Variants in SDK1 observed in about 807,000 individuals in gnomAD.
SDK1 encodes protein sidekick-1.
A neutral mutation model predicts 245.5 loss-of-function variants in SDK1; 157 were observed. That is an observed-to-expected ratio of 0.64 (90% CI 0.56 to 0.73). SDK1 has a LOEUF of 0.73. Ranked by LOEUF, SDK1 falls within the 30% of genes least tolerant of loss-of-function variation. SDK1 has a pLI of 0.00. For missense variants in SDK1, 3,583 were observed against 3,002.3 expected, an observed-to-expected ratio of 1.19 and a Z score of -4.52; for synonymous variants, 1,647 against 1,278.5, an observed-to-expected ratio of 1.29 and a Z score of -6.15.
intron 1 of SDK1, among the ~76,000 whole-genome samples, chr7:3,309,493 T>C (rs1033916197): frequency 6.7e-6 from 1 of 148,590 alleles, no homozygotes; most frequent in Non-Finnish European, 1.5e-5. Flanking sequence ...AACCAGGTAA[T>C]AGAATAGTGG....
At chr7:3,473,647 C>G (rs1249667614) in intron 1 of SDK1, among the ~76,000 whole-genome samples, 1 of 151,820 alleles carries the variant, frequency 6.6e-6, no homozygotes, top group Non-Finnish European at 1.5e-5. Context: ...CTTTTATTTC[C>G]TGGGTCCAGG....
chr7:3,684,190 C>T (rs548436023), intron 4 of SDK1, among the ~76,000 whole-genome samples: 1 of 152,350 alleles, frequency 6.6e-6, no homozygotes, highest in East Asian at 1.9e-4. Context: ...AGCTAAGCCT[C>T]TACCCCAACT....
chr7:3,785,254 A>T (rs980959477), intron 4 of SDK1, among the ~76,000 whole-genome samples: 30 of 150,628 alleles, frequency 2.0e-4, no homozygotes, highest in African/African-American at 6.8e-4. Context: ...GGCAAGAGGA[A>T]TTTTTTTTTT....
At chr7:3,539,643 G>A (rs1384698529) in intron 1 of SDK1, among the ~76,000 whole-genome samples, 1 of 152,210 alleles carries the variant, frequency 6.6e-6, no homozygotes, top group Non-Finnish European at 1.5e-5. Context: ...AATTCGTGAT[G>A]TGTAATAGGT....
At chr7:4,000,540 C>G (rs1162795673) in intron 14 of SDK1, among the ~76,000 whole-genome samples, 1 of 152,102 alleles carries the variant, frequency 6.6e-6, no homozygotes. Context: ...CCACAGGTGC[C>G]TTTTCATGTA....
intron 1 of SDK1, among the ~76,000 whole-genome samples, chr7:3,370,501 G>GTAA (rs1453844565): frequency 6.6e-6 from 1 of 152,216 alleles, no homozygotes; most frequent in African/African-American, 2.4e-5. Flanking sequence ...GGAAGATGAT[G>GTAA]TAATCACTTA....
At chr7:3,414,207 T>A (rs1779295475) in intron 1 of SDK1, among the ~76,000 whole-genome samples, 1 of 152,016 alleles carries the variant, frequency 6.6e-6, no homozygotes, top group South Asian at 2.1e-4. Flanking sequence ...AAGCTAGGCA[T>A]AGAGGCAGGA....
intron 35 of SDK1, among the ~76,000 whole-genome samples, chr7:4,199,482 G>A (rs1461300645): frequency 2.0e-5 from 3 of 152,208 alleles, no homozygotes; most frequent in Admixed American, 2.0e-4. Flanking sequence ...TTGTCTAGCA[G>A]TATTGAAGTT....
Position 4,267,957 on chromosome 7 carries a change from G to A in SDK1, c.*2573G>A, listed in dbSNP as rs1373587801. 1.8e-5 allele frequency: 18 copies of A among 985,336 alleles called. No individual in the cohort carries two copies. The African/African-American group carries it at 2.1e-4, about 11-fold the overall frequency. 61.0% of individuals were successfully genotyped at this position (985,336 alleles called of 1,614,324 possible). A position where few individuals can be genotyped will look rare whatever the true frequency, so the allele number is the denominator to read the frequency against. ...GATTTTGGCCTCCCAGAGCAATGCG[G>A]CATTTGAGAAGCAACAGTTCCTAAC... On this transcript the variant is annotated 3_prime_UTR_variant, in exon 45 of 45. Coordinates refer to ENST00000404826, the MANE Select transcript of SDK1 (RefSeq NM_152744.4).
rs542029677 is a variant in SDK1 at position 3,758,851 on chromosome 7, C to G, written c.714-62599C>G. Among the ~76,000 whole-genome samples, 9 of 152,270 alleles carry G rather than the reference C, an allele frequency of 5.9e-5. No homozygotes were observed. In the East Asian group the frequency reaches 1.2e-3, roughly 20 times the overall value. ...AGGAAACAGGTATATGTATTCCAAC[C>G]CATGTATACACACAAGTCTCTGTTC... On this transcript the variant is annotated intron_variant, in intron 4 of 44. Transcript: ENST00000404826.
Position 4,265,446 on chromosome 7 carries a change from A to T in SDK1, c.*62A>T. 5 of 1,396,948 alleles carry T rather than the reference A, an allele frequency of 3.6e-6. No individual in the cohort carries two copies. Among genetic ancestry groups the T allele is most frequent in the Non-Finnish European group, 4.6e-6 (5 of 1,083,802 alleles). The allele number at this position is 1,396,948 out of a possible 1,614,324, so 86.5% of individuals were successfully genotyped here. On this transcript the variant is annotated 3_prime_UTR_variant, in exon 45 of 45. Transcript: ENST00000404826. ...CAACTTTCCGGAGTCTATTTTTGTT[A>T]AGACAATCAACTCCAATAACTGAGC...
intron 5 of SDK1, among the ~76,000 whole-genome samples, chr7:3,913,662 C>T (rs1779265579): frequency 6.6e-6 from 1 of 152,074 alleles, no homozygotes; most frequent in Non-Finnish European, 1.5e-5. Flanking sequence ...TGGTAACATC[C>T]TTTCCCTCAT....
intron 17 of SDK1, among the ~76,000 whole-genome samples, chr7:4,032,016 G>A (rs547641463): frequency 1.4e-4 from 20 of 141,602 alleles, no homozygotes; most frequent in African/African-American, 4.8e-4. Flanking sequence ...GACAGAGTGA[G>A]ACTCTGCCTC....
intron 1 of SDK1, among the ~76,000 whole-genome samples, chr7:3,579,527 A>C (rs77473857): frequency 0.18 from 27,207 of 152,188 alleles, 2,729 homozygotes; most frequent in East Asian, 0.36. Context: ...AAAACCTCAA[A>C]ATAATAAGAG....
At chr7:4,073,013 A>G (rs1780358183) in intron 20 of SDK1, among the ~76,000 whole-genome samples, 1 of 152,218 alleles carries the variant, frequency 6.6e-6, no homozygotes, top group Non-Finnish European at 1.5e-5. Flanking sequence ...ACAGTTTGTG[A>G]TTGGATGCAC....
At chr7:3,802,484 A>G (rs1779132104) in intron 4 of SDK1, among the ~76,000 whole-genome samples, 1 of 152,014 alleles carries the variant, frequency 6.6e-6, no homozygotes, top group Admixed American at 6.6e-5. Context: ...GCAGTGAGCC[A>G]TGATCATGCC....
Position 3,802,091 on chromosome 7 carries a change from T to A in SDK1, c.714-19359T>A, listed in dbSNP as rs574427023. The stretch of plus-strand genomic sequence containing the variant: ...AGGTTGCAAAAACTATTCAGAGAAG[T>A]TCCATGTACCCTTCACCCAATGTTT... On this transcript the variant is annotated intron_variant, in intron 4 of 44. Transcript: ENST00000404826. 2.6e-5 allele frequency among the ~76,000 whole-genome samples: 4 copies of A among 152,310 alleles called. No individual in the cohort carries two copies. In the South Asian group the frequency reaches 8.3e-4, roughly 32 times the overall value.
chr7:3,458,232 G>A (rs2037491), intron 1 of SDK1, among the ~76,000 whole-genome samples: 149,346 of 152,066 alleles, frequency 0.98, 73,357 homozygotes, highest in East Asian at 1. Context: ...TTTGTGGGAA[G>A]ATATATTATT....
At chr7:3,672,796 A>ATATATATATATACAT (rs1554307151) in intron 4 of SDK1, among the ~76,000 whole-genome samples, 10 of 53,414 alleles carry the variant, frequency 1.9e-4, no homozygotes, top group Non-Finnish European at 3.4e-4. Flanking sequence ...TATATATATA[A>ATATATATATATACAT]AAAATACAGA....
Sources: allele counts gnomAD v4.1 joint callset (sites outside exome capture counted in the v4.1 genomes callset), GRCh38; gene constraint gnomAD v4.1.1; transcripts MANE v1.5; gene names NCBI Gene and HGNC (gene_info 2026-07-23, HGNC 2026-07-21).